Variants in GPATCH8 observed in about 807,000 individuals in gnomAD.
GPATCH8 encodes the protein G-patch domain containing 8.
GPATCH8 carries 18 observed loss-of-function variants against 118.3 expected under a neutral mutation model. That is an observed-to-expected ratio of 0.15 (90% confidence interval 0.11 to 0.23). The LOEUF is 0.23. GPATCH8 is among the 10% of genes least tolerant of loss of function. The pLI is 1.00. For synonymous variants in GPATCH8, 659 were observed against 684.7 expected (o/e 0.96, Z 0.59); for missense variants, 1,631 against 1,873.8 (o/e 0.87, Z 2.39).
intron 2 of GPATCH8, among the ~76,000 whole-genome samples, chr17:44,466,345 T>G (rs1440608073): frequency 6.6e-6 from 1 of 152,124 alleles, no homozygotes; most frequent in Non-Finnish European, 1.5e-5. Flanking sequence ...AACGAAAAAT[T>G]TGTTTCTAAA....
At chr17:44,409,194 T>C (rs1302309917) in intron 6 of GPATCH8, 15 of 152,292 alleles carry the variant, frequency 9.8e-5, no homozygotes, top group Admixed American at 9.8e-4. Context: ...CTTAGGAAAC[T>C]TGGTTGGCCC....
chr17:44,474,841 C>A lies in GPATCH8; in HGVS notation c.108G>T (p.Lys36Asn). ...HLEIEQASLD[K>N]PIESDNIGHR... ...CTGATTATCTTACCGATTCTATAGG[C>A]TTGTCAAGTGACGCTTGTTCAATTT... is the stretch of plus-strand genomic sequence containing the variant. Residue 36 changes from lysine (K) to asparagine (N), a missense_variant, in exon 2 of 8, where the codon AAG becomes AAT. Transcript: ENST00000591680. 1 of 1,557,178 alleles carries A rather than the reference C, an allele frequency of 6.4e-7. No individual in the cohort carries two copies. The highest frequency in any genetic ancestry group is 8.9e-7 in the Non-Finnish European group (1 of 1,128,366).
At chr17:44,430,539 TCCTC>T (rs2050268326) in intron 5 of GPATCH8, among the ~76,000 whole-genome samples, 1 of 152,140 alleles carries the variant, frequency 6.6e-6, no homozygotes, top group Non-Finnish European at 1.5e-5. Context: ...ATTAGGCACT[TCCTC>T]AACCTGATGA....
chr17:44,418,137 A>AAG (rs769572040), intron 6 of GPATCH8, among the ~76,000 whole-genome samples: 1 of 151,680 alleles, frequency 6.6e-6, no homozygotes, highest in Non-Finnish European at 1.5e-5. Flanking sequence ...AAAAGAGAGA[A>AAG]AGAGAGAGAG....
At chr17:44,479,856 A>T (rs1968074116) in intron 1 of GPATCH8, among the ~76,000 whole-genome samples, 1 of 151,834 alleles carries the variant, frequency 6.6e-6, no homozygotes, top group African/African-American at 2.4e-5. Context: ...AATCCCAGCT[A>T]CCCAGGAGGC....
chr17:44,458,642 C>T (rs912100921), intron 3 of GPATCH8, among the ~76,000 whole-genome samples: 9 of 152,136 alleles, frequency 5.9e-5, no homozygotes, highest in African/African-American at 2.2e-4. Context: ...CTGCCTCAGC[C>T]TTCCAAATAG....
intron 5 of GPATCH8, among the ~76,000 whole-genome samples, chr17:44,428,448 G>A (rs924241522): frequency 1.3e-5 from 2 of 151,146 alleles, no homozygotes; most frequent in Non-Finnish European, 1.5e-5. Context: ...AGCTGAGATC[G>A]CACCATTGCA....
At chr17:44,486,941 G>A (rs559386053) in intron 1 of GPATCH8, 2 of 152,110 alleles carry the variant, frequency 1.3e-5, no homozygotes, top group African/African-American at 4.8e-5. Context: ...TGAAAGTATA[G>A]ACACAGCATC....
intron 1 of GPATCH8, among the ~76,000 whole-genome samples, chr17:44,499,405 G>A (rs1463240645): frequency 6.6e-6 from 1 of 152,226 alleles, no homozygotes; most frequent in Non-Finnish European, 1.5e-5. Context: ...GGGAGGCGGA[G>A]GTTGAGGTGA....
chr17:44,399,401 GTC>G lies in GPATCH8; in HGVS notation c.2674_2675del (p.Asp892GlnfsTer4). The G allele has an allele frequency of 6.2e-7, 1 of 1,614,046 alleles. No homozygotes were observed. Among genetic ancestry groups the G allele is most frequent in the Non-Finnish European group, 8.5e-7 (1 of 1,179,878 alleles). ...CYSRQRSYSDDSYSDYSDRSR... is the reference protein window; with the variant it reads ...CYSRQRSYSDXSYSDYSDRSR... ...ATCTGTCACTGTAGTCACTGTAGCT[GTC>G]ATCAGAGTAACTGCGCTGTCTACTA... On this transcript the variant is annotated frameshift_variant, in exon 8 of 8. Coordinates refer to ENST00000591680, the MANE Select transcript of GPATCH8 (RefSeq NM_001002909.4). LOFTEE classifies it high-confidence loss of function.
At chr17:44,452,709 G>T (rs150599711) in intron 3 of GPATCH8, among the ~76,000 whole-genome samples, 209 of 152,278 alleles carry the variant, frequency 1.4e-3, no homozygotes, top group South Asian at 3.7e-3. Context: ...AATGAAAAGA[G>T]ATTTCGATGG....
chr17:44,468,365 CTTTGTTCCTTTTT>C (rs1966974514), intron 2 of GPATCH8, among the ~76,000 whole-genome samples: 2 of 112,178 alleles, frequency 1.8e-5, no homozygotes, highest in East Asian at 5.3e-4. Flanking sequence ...CATTAAATTT[CTTTGTTCCTTTTT>C]TTTTTTTTTT....
chr17:44,462,205 C>T (rs180980794), intron 3 of GPATCH8, among the ~76,000 whole-genome samples: 2 of 152,110 alleles, frequency 1.3e-5, no homozygotes, highest in African/African-American at 4.8e-5. Flanking sequence ...TATGAACCAG[C>T]CCCACCTTGT....
chr17:44,448,789 A>C (rs1568004684), intron 3 of GPATCH8, among the ~76,000 whole-genome samples: 1 of 151,670 alleles, frequency 6.6e-6, no homozygotes, highest in African/African-American at 2.4e-5. Flanking sequence ...AAAAAAAAAA[A>C]TAAACAGCAC....
intron 1 of GPATCH8, among the ~76,000 whole-genome samples, chr17:44,476,464 C>A (rs1967791951): frequency 6.6e-6 from 1 of 152,208 alleles, no homozygotes; most frequent in Non-Finnish European, 1.5e-5. Context: ...CTCAGCCTCC[C>A]AAAGTGCTGG....
At chr17:44,502,365 T>TC (rs947806654) in intron 1 of GPATCH8, among the ~76,000 whole-genome samples, 2 of 151,952 alleles carry the variant, frequency 1.3e-5, no homozygotes, top group African/African-American at 4.8e-5. Flanking sequence ...CAGTGTTTTT[T>TC]TTTTTTTTTT....
At chr17:44,463,340 C>T (rs1568025638) in intron 3 of GPATCH8, among the ~76,000 whole-genome samples, 1 of 152,304 alleles carries the variant, frequency 6.6e-6, no homozygotes, top group Admixed American at 6.5e-5. Flanking sequence ...GCCTATTATA[C>T]AATAAGCTCC....
Position 44,400,122 on chromosome 17 carries a change from C to A in GPATCH8, c.1955G>T (p.Gly652Val), listed in dbSNP as rs1484475504. Residue 652 changes from glycine to valine, a missense_variant, in exon 8 of 8, where the codon GGG becomes GTG. Physicochemically the swap from Gly to Val is moderately radical, Grantham distance 109. Around this residue, in one of 8 missense-constraint regions of GPATCH8, gnomAD observed 922 missense variants for 879.7 expected, o/e 1.05. Transcript: ENST00000591680. ...LNKQEPGGSH[G>V]SETEDTGRSL... is the part of the protein sequence containing the mutation. ...TCTCCCTGTGTCTTCTGTCTCAGACCCATGGCTACCCCCAGGCTCCTGCTT... is the reference window on the plus strand; with the variant it reads ...TCTCCCTGTGTCTTCTGTCTCAGACACATGGCTACCCCCAGGCTCCTGCTT... 8 of 1,613,948 alleles carry A rather than the reference C, an allele frequency of 5.0e-6. No homozygotes were observed. The highest frequency in any genetic ancestry group is 5.9e-6 in the Non-Finnish European group (7 of 1,180,026).
intron 3 of GPATCH8, among the ~76,000 whole-genome samples, chr17:44,455,569 T>C (rs576892654): frequency 2.0e-5 from 3 of 151,830 alleles, no homozygotes; most frequent in East Asian, 3.9e-4. Flanking sequence ...AATGAGACCA[T>C]GCAAAACATC....
Sources: allele counts gnomAD v4.1 joint callset (sites outside exome capture counted in the v4.1 genomes callset), GRCh38; gene constraint gnomAD v4.1.1; regional missense constraint gnomAD v4.1.1; transcripts MANE v1.5; gene names NCBI Gene and HGNC (gene_info 2026-07-23, HGNC 2026-07-21).